ATP2A2: variants seen among roughly 807,000 people sequenced by gnomAD.
ATP2A2 encodes the protein ATPase sarcoplasmic/endoplasmic reticulum Ca2+ transporting 2.
In ATP2A2, 14 loss-of-function variants were observed where a neutral mutation model predicts 109.3. The ratio of observed to expected loss-of-function variants is 0.13; its 90% CI spans 0.08 to 0.20. ATP2A2 has a LOEUF of 0.20. ATP2A2 is among the 10% of genes least tolerant of loss of function. The pLI is 1.00. For synonymous variants in ATP2A2, 506 were observed against 490.9 expected (o/e 1.03, Z -0.41); for missense variants, 657 against 1,321.6 (o/e 0.50, Z 7.80).
At chr12:110,309,969 T>C (rs1175412989) in intron 5 of ATP2A2, among the ~76,000 whole-genome samples, 1 of 151,874 alleles carries the variant, frequency 6.6e-6, no homozygotes, top group Non-Finnish European at 1.5e-5. Flanking sequence ...ACAGTAATTC[T>C]ACATTATCTT....
intron 4 of ATP2A2, among the ~76,000 whole-genome samples, chr12:110,295,540 C>A (rs76384938): frequency 6.6e-6 from 1 of 152,114 alleles, no homozygotes; most frequent in African/African-American, 2.4e-5. Context: ...TAAATTCCAC[C>A]CAACATGATC....
rs561524889 is a variant in ATP2A2 at position 110,345,739 on chromosome 12, C to G, written c.2742-262C>G. 6.0e-5 allele frequency: 35 copies of G among 586,446 alleles called. 1 individual carries two copies. The South Asian group carries it at 6.7e-4, about 11-fold the overall frequency. The allele number at this position is 586,446 out of a possible 1,614,324, so 36.3% of individuals were successfully genotyped here. On this transcript the variant is annotated intron_variant, in intron 18 of 19. Transcript: ENST00000539276. ...ACAAAAATGGAAATTTCTAAATAGC[C>G]CAAGTCTCCAGGGCAATTGGGAACA... is the stretch of plus-strand genomic sequence containing the variant.
In ATP2A2 at chr12:110,333,204, A is replaced by G; in HGVS notation, c.1208A>G (p.Asn403Ser). 6.2e-7 allele frequency: 1 copy of G among 1,614,012 alleles called. No homozygotes were observed. Among genetic ancestry groups the G allele is most frequent in the Non-Finnish European group, 8.5e-7 (1 of 1,179,858 alleles). The change falls in exon 10 of 20, where the codon AAT becomes AGT. Residue 403 changes from asparagine (N) to serine (S), a missense_variant. Asn to Ser is a conservative substitution (Grantham distance 46, BLOSUM62 1). Transcript: ENST00000539276. ...AGGCATAAAGATGATAAACCAGTGA[A>G]TTGTCACCAGTATGATGGTCTGGTA... ...GEVHKDDKPV[N>S]CHQYDGLVEL...
chr12:110,324,514 T>C (rs1877568307), intron 6 of ATP2A2, among the ~76,000 whole-genome samples: 1 of 152,236 alleles, frequency 6.6e-6, no homozygotes, highest in South Asian at 2.1e-4. Flanking sequence ...CTCTGCCTCC[T>C]GGATTCAAGC....
intron 5 of ATP2A2, among the ~76,000 whole-genome samples, chr12:110,315,077 A>G (rs1876521831): frequency 6.6e-6 from 1 of 152,168 alleles, no homozygotes; most frequent in African/African-American, 2.4e-5. Context: ...CATGTTAGCC[A>G]GGATGATCTC....
intron 5 of ATP2A2, among the ~76,000 whole-genome samples, chr12:110,311,211 G>A (rs1052651862): frequency 1.3e-5 from 2 of 152,182 alleles, no homozygotes; most frequent in Admixed American, 1.3e-4. Context: ...GAGCAGAGGA[G>A]TTGGCATACT....
intron 1 of ATP2A2, 111 bp downstream of exon 1, chr12:110,282,018 C>A: frequency 1.2e-6 from 1 of 827,418 alleles, no homozygotes; most frequent in Non-Finnish European, 1.7e-6. Flanking sequence ...CCGACAGCTG[C>A]GGGCGGAGGG....
chr12:110,325,386 C>T (rs900233868), intron 6 of ATP2A2, among the ~76,000 whole-genome samples: 2 of 152,058 alleles, frequency 1.3e-5, no homozygotes, highest in African/African-American at 2.4e-5. Context: ...GTAATCCCAG[C>T]ACTTTGGGAG....
chr12:110,345,056 C>T lies in ATP2A2; in HGVS notation c.2607+85C>T, dbSNP rs1237043645. 3 of 1,508,892 alleles carry T rather than the reference C, an allele frequency of 2.0e-6. No individual in the cohort carries two copies. The African/African-American group carries it at 4.1e-5, about 21-fold the overall frequency. The allele number at this position is 1,508,892 out of a possible 1,614,324, so 93.5% of individuals were successfully genotyped here. On this transcript the variant is annotated intron_variant, in intron 17 of 19. Coordinates refer to ENST00000539276, the MANE Select transcript of ATP2A2 (RefSeq NM_170665.4). ...TCTGTGGTTTCGGTATCTATCAAATCATCTTAAGACTCAGACAATAAACAG... is the reference window on the plus strand; with the variant it reads ...TCTGTGGTTTCGGTATCTATCAAATTATCTTAAGACTCAGACAATAAACAG...
In ATP2A2 at chr12:110,342,024, C is replaced by T. The variant is rs975209916; in HGVS notation, c.2098-204C>T. Among the ~76,000 whole-genome samples the T allele has an allele frequency of 3.3e-5, 5 of 152,182 alleles. No individual in the cohort carries two copies. Among genetic ancestry groups the T allele is most frequent in the South Asian group, 2.1e-4 (1 of 4,832 alleles). On this transcript the variant is annotated intron_variant, in intron 14 of 19. Coordinates refer to ENST00000539276, the MANE Select transcript of ATP2A2 (RefSeq NM_170665.4). The surrounding 1 kb of genome is among the most constrained non-coding windows in gnomAD (Gnocchi z 4.6). ...ATTTGAAGTCCCCTTTGTCCCACTT[C>T]GGTAAACTTATTTGGTAATTTTACA...
At chr12:110,331,639 C>T (rs945361098) in intron 8 of ATP2A2, 4 of 152,216 alleles carry the variant, frequency 2.6e-5, no homozygotes, top group Non-Finnish European at 5.9e-5. Context: ...CCCAGCTCAA[C>T]GTGGCCTGTT....
chr12:110,293,962 C>T (rs935307906), intron 4 of ATP2A2, among the ~76,000 whole-genome samples: 2 of 148,372 alleles, frequency 1.3e-5, no homozygotes, highest in African/African-American at 5.0e-5. Flanking sequence ...CTGCAACCTC[C>T]GTCTTGTGGG....
chr12:110,343,163 T>C (rs1244510325), intron 15 of ATP2A2, 69 bp from the exon 16 acceptor site: 1 of 1,514,176 alleles, frequency 6.6e-7, no homozygotes, highest in Admixed American at 1.7e-5. Context: ...GGCGGGTTGA[T>C]GATGCTCTTT....
chr12:110,350,014 G>A lies in ATP2A2; in HGVS notation c.*3544G>A, dbSNP rs934627780. On this transcript the variant is annotated 3_prime_UTR_variant, in exon 20 of 20. Coordinates refer to ENST00000539276, the MANE Select transcript of ATP2A2 (RefSeq NM_170665.4). ...GTCTCGCTGCTTTCACAGCTGCAACGATTGTGTCTGCCTCATGGGGTTTTC... is the reference window on the plus strand; with the variant it reads ...GTCTCGCTGCTTTCACAGCTGCAACAATTGTGTCTGCCTCATGGGGTTTTC... 9.5e-6 allele frequency: 13 copies of A among 1,362,742 alleles called. No homozygotes were observed. In the South Asian group the frequency reaches 1.4e-4, roughly 15 times the overall value. 84.4% of individuals were successfully genotyped at this position (1,362,742 alleles called of 1,614,324 possible). A position where few individuals can be genotyped will look rare whatever the true frequency, so the allele number is the denominator to read the frequency against.
Position 110,346,567 on chromosome 12 carries a change from TACTG to T in ATP2A2, c.*98_*101del, listed in dbSNP as rs1879884825. The T allele has an allele frequency of 1.9e-6, 3 of 1,561,406 alleles. No individual in the cohort carries two copies. Among genetic ancestry groups the T allele is most frequent in the East Asian group, 2.4e-5 (1 of 41,744 alleles). On this transcript the variant is annotated 3_prime_UTR_variant, in exon 20 of 20. Transcript: ENST00000539276. Reference sequence around the variant, plus strand: ...TTTCTGCTGAATTTTCACATGAACATACTGGCTGGTGATGGAGGTTTCATACTCT... The same window carrying T: ...TTTCTGCTGAATTTTCACATGAACATGCTGGTGATGGAGGTTTCATACTCT...
At chr12:110,303,236 ATAT>A (rs1297077087) in intron 5 of ATP2A2, among the ~76,000 whole-genome samples, 1 of 152,148 alleles carries the variant, frequency 6.6e-6, no homozygotes, top group Non-Finnish European at 1.5e-5. Context: ...TATTATTATA[ATAT>A]TATACAGACA....
chr12:110,280,632 G>C (rs1283161017), upstream of ATP2A2: 3 of 152,416 alleles, frequency 2.0e-5, no homozygotes, highest in Non-Finnish European at 4.4e-5. Flanking sequence ...CGCTGGGGAA[G>C]AATCGGGGCT....
chr12:110,296,627 C>T lies in ATP2A2; in HGVS notation c.353C>T (p.Ala118Val). The change falls in exon 5 of 20, where the codon GCC (alanine) becomes GTC (valine). Residue 118 changes from alanine (A) to valine (V), a missense_variant. Physicochemically the swap from Ala to Val is moderately conservative, Grantham distance 64. Transcript: ENST00000539276. ...QERNAENAIE[A>V]LKEYEPEMGK... ...AGAAATGCTGAAAATGCCATCGAAG[C>T]CCTTAAGGAATATGAGCCTGAAATG... The T allele has an allele frequency of 1.9e-6, 3 of 1,614,062 alleles. 1 individual carries two copies. Among genetic ancestry groups the T allele is most frequent in the Non-Finnish European group, 2.5e-6 (3 of 1,180,018 alleles).
At chr12:110,282,840 G>GT in intron 3 of ATP2A2, 45 bp downstream of exon 3, 1 of 1,469,462 alleles carries the variant, frequency 6.8e-7, no homozygotes, top group Non-Finnish European at 9.4e-7. Context: ...AAAGCTGAAA[G>GT]TATTCCATAG....
Sources: allele counts gnomAD v4.1 joint callset (sites outside exome capture counted in the v4.1 genomes callset), GRCh38; gene constraint gnomAD v4.1.1; non-coding constraint Gnocchi (gnomAD v3.1); transcripts MANE v1.5; gene names NCBI Gene and HGNC (gene_info 2026-07-23, HGNC 2026-07-21).